The following CEP112 variants were observed in gnomAD, a reference collection of about 807,000 sequenced individuals.
The protein encoded by CEP112 is centrosomal protein 112.
CEP112 carries 127 observed loss-of-function variants against 153.0 expected under a neutral mutation model. The ratio of observed to expected loss-of-function variants is 0.83; its 90% confidence interval spans 0.72 to 0.96. The LOEUF (loss-of-function observed/expected upper bound fraction) is 0.96, where lower values mean the gene tolerates loss of function less well. CEP112 is among the 40% of genes least tolerant of loss of function. CEP112 has a pLI of 0.00. For missense variants in CEP112, 1,089 were observed against 1,101.2 expected, an observed-to-expected ratio of 0.99 and a Z score of 0.16; for synonymous variants, 358 against 374.4, an observed-to-expected ratio of 0.96 and a Z score of 0.51.
At chr17:66,190,789 C>A (rs1212246447) in intron 1 of CEP112, among the ~76,000 whole-genome samples, 1 of 152,176 alleles carries the variant, frequency 6.6e-6, no homozygotes, top group Non-Finnish European at 1.5e-5. Flanking sequence ...CAAACATAAC[C>A]AAACCACAAG....
chr17:65,736,751 A>G (rs2050827960), intron 23 of CEP112, among the ~76,000 whole-genome samples: 1 of 152,108 alleles, frequency 6.6e-6, no homozygotes, highest in South Asian at 2.1e-4. Flanking sequence ...TTAGTATGTA[A>G]TTTCCCTGCC....
At chr17:65,902,089 C>A in intron 20 of CEP112, 63 bp downstream of exon 20, 10 of 1,083,552 alleles carry the variant, frequency 9.2e-6, no homozygotes, top group South Asian at 5.7e-5. Flanking sequence ...AATAAGAAAA[C>A]ATTAAACGCT....
chr17:65,882,168 AC>A (rs1474970746), intron 20 of CEP112, among the ~76,000 whole-genome samples: 1 of 152,222 alleles, frequency 6.6e-6, no homozygotes, highest in Non-Finnish European at 1.5e-5. Flanking sequence ...CTACTGAAAA[AC>A]AGAACCTCCC....
chr17:65,920,230 C>G (rs942769355), intron 19 of CEP112, among the ~76,000 whole-genome samples: 2 of 150,406 alleles, frequency 1.3e-5, no homozygotes, highest in Non-Finnish European at 3.0e-5. Flanking sequence ...CGTGTAATCC[C>G]AGCTACTTGG....
At chr17:65,644,428 G>A (rs1024382261) in intron 24 of CEP112, 8 of 485,280 alleles carry the variant, frequency 1.6e-5, no homozygotes, top group East Asian at 5.0e-5. Flanking sequence ...GGCTTAGCTC[G>A]GTTGCATTTA....
chr17:65,672,862 A>C (rs1351256399), intron 24 of CEP112, among the ~76,000 whole-genome samples: 1 of 152,240 alleles, frequency 6.6e-6, no homozygotes, highest in East Asian at 1.9e-4. Flanking sequence ...AATGGGAGAA[A>C]TATATCTCAG....
chr17:65,683,286 T>C lies in CEP112; in HGVS notation c.2697+5843A>G, dbSNP rs78303285. 1.1e-4 allele frequency among the ~76,000 whole-genome samples: 16 copies of C among 152,370 alleles called. 2 individuals are homozygous for C. The East Asian group carries it at 3.1e-3, about 29-fold the overall frequency. On this transcript the variant is annotated intron_variant, in intron 24 of 26. Transcript: ENST00000535342. ...AATATGAAGTTGGTTGCTGCAAAGC[T>C]GTGATCGAAATGTTAAAGTGTGACT... is the stretch of plus-strand genomic sequence containing the variant.
chr17:66,004,917 C>A (rs1334348993), intron 17 of CEP112, among the ~76,000 whole-genome samples: 1 of 152,184 alleles, frequency 6.6e-6, no homozygotes, highest in Non-Finnish European at 1.5e-5. Flanking sequence ...AAATCACTTT[C>A]TTGGGTCAGT....
intron 18 of CEP112, among the ~76,000 whole-genome samples, chr17:65,933,546 G>A (rs545673713): frequency 1.3e-5 from 2 of 152,216 alleles, no homozygotes; most frequent in South Asian, 4.2e-4. Context: ...TCAAAGTACT[G>A]AAGGAAAAAA....
rs184837549 is a variant in CEP112, at chr17:65,664,638, G to A, written c.2698-23573C>T. On this transcript the variant is annotated intron_variant, in intron 24 of 26. Coordinates refer to ENST00000535342, the MANE Select transcript of CEP112 (RefSeq NM_001199165.4). ...AATAACATGACTTGGTGATGAAATA[G>A]TTATAAGATGTGACCGATGCAGCAG... is the stretch of plus-strand genomic sequence containing the variant. Among the ~76,000 whole-genome samples the A allele has an allele frequency of 9.2e-4, 140 of 152,326 alleles. 1 individual carries two copies. The highest frequency in any genetic ancestry group is 3.2e-3 in the African/African-American group (133 of 41,578).
At chr17:65,962,440 C>A (rs1899580) in intron 17 of CEP112, among the ~76,000 whole-genome samples, 1 of 151,908 alleles carries the variant, frequency 6.6e-6, no homozygotes. Flanking sequence ...ATACCTTAGG[C>A]GGAAACTATA....
chr17:65,800,646 T>C (rs1163864460), intron 21 of CEP112, among the ~76,000 whole-genome samples: 3 of 152,226 alleles, frequency 2.0e-5, no homozygotes, highest in Non-Finnish European at 4.4e-5. Flanking sequence ...AAATGCTGGA[T>C]TTTATAATTC....
In CEP112 at chr17:66,191,435, T is replaced by G. The variant is rs1187791314; in HGVS notation, c.-9+562A>C. 6.6e-6 allele frequency among the ~76,000 whole-genome samples: 1 copy of G among 152,216 alleles called. No homozygotes were observed. The highest frequency in any genetic ancestry group is 6.5e-5 in the Admixed American group (1 of 15,284). ...TCTTGAACACTTAAAAATAATTAAC[T>G]CAGAAACACAGGGTAGCATCCTACA... On this transcript the variant is annotated intron_variant, in intron 1 of 26. Coordinates refer to ENST00000535342, the MANE Select transcript of CEP112 (RefSeq NM_001199165.4). This position sits in a 1 kb window ranked among gnomAD's most constrained non-coding sequence, Gnocchi z 4.2.
chr17:65,875,986 T>C (rs1004305534), intron 20 of CEP112, among the ~76,000 whole-genome samples: 1 of 152,216 alleles, frequency 6.6e-6, no homozygotes, highest in African/African-American at 2.4e-5. Flanking sequence ...CTGAGGCTTC[T>C]AATTTTCTTC....
intron 1 of CEP112, among the ~76,000 whole-genome samples, chr17:66,190,441 G>A (rs1301220213): frequency 6.6e-6 from 1 of 151,994 alleles, no homozygotes; most frequent in Non-Finnish European, 1.5e-5. Context: ...TAAATTACTG[G>A]AATTGAAAAA....
chr17:65,954,219 G>T (rs1163951724), intron 18 of CEP112, among the ~76,000 whole-genome samples: 3 of 152,160 alleles, frequency 2.0e-5, no homozygotes, highest in Non-Finnish European at 4.4e-5. Flanking sequence ...CAGCCTGGTA[G>T]CTCCACTGGG....
rs2045099892 is a variant in CEP112, at chr17:65,640,975, G to A, written c.2788C>T (p.Leu930=). ...RQELEDTISS[L]KSQVNFLQKR... is the part of the protein sequence containing the mutation. The stretch of plus-strand genomic sequence containing the variant: ...ATTCTAGTAATTACCTGTGATTTTA[G>A]GGAGGAAATGGTGTCTTCAAGTTCT... Residue 930 remains leucine, a synonymous_variant, in exon 25 of 27, where the codon CTA becomes TTA. Transcript: ENST00000535342. The A allele has an allele frequency of 6.3e-7, 1 of 1,585,950 alleles. No individual in the cohort carries two copies. The highest frequency in any genetic ancestry group is 1.1e-5 in the South Asian group (1 of 90,352).
intron 12 of CEP112, among the ~76,000 whole-genome samples, chr17:66,034,624 C>G (rs1689417947): frequency 6.6e-6 from 1 of 150,876 alleles, no homozygotes; most frequent in African/African-American, 2.4e-5. Context: ...AGAAAAAATG[C>G]TCAGATAAAA....
intron 20 of CEP112, among the ~76,000 whole-genome samples, chr17:65,900,393 A>C (rs1033646001): frequency 9.2e-5 from 14 of 152,184 alleles, no homozygotes; most frequent in African/African-American, 3.4e-4. Context: ...TTCAATAGGA[A>C]GAAATTCAAT....
Sources: allele counts gnomAD v4.1 joint callset (sites outside exome capture counted in the v4.1 genomes callset), GRCh38; gene constraint gnomAD v4.1.1; non-coding constraint Gnocchi (gnomAD v3.1); transcripts MANE v1.5; gene names NCBI Gene and HGNC (gene_info 2026-07-23, HGNC 2026-07-21).